The following SKI variants were observed in gnomAD, a reference collection of about 807,000 sequenced individuals.
SKI encodes ski oncogene.
In SKI, 23 loss-of-function variants were observed where a neutral mutation model predicts 59.3. That is an observed-to-expected ratio of 0.39 (90% CI 0.28 to 0.55). The LOEUF (loss-of-function observed/expected upper bound fraction) is 0.55. Ranked by LOEUF, SKI falls within the 20% of genes least tolerant of loss-of-function variation. The probability of loss-of-function intolerance (pLI) is 0.67; values close to 1 mark genes in which losing one functional copy is unlikely to be tolerated. For synonymous variants in SKI, 673 were observed against 488.6 expected (o/e 1.38, Z -4.98); for missense variants, 1,017 against 1,038.9 (o/e 0.98, Z 0.29).
At chr1:2,302,446 C>T (rs867785484) in intron 1 of SKI, among the ~76,000 whole-genome samples, 7 of 152,292 alleles carry the variant, frequency 4.6e-5, no homozygotes, top group Admixed American at 2.6e-4. Flanking sequence ...CACAGGGACA[C>T]GGTGTCCCCT....
In SKI at chr1:2,304,332, C is replaced by G. The variant is rs1406949705; in HGVS notation, c.1514C>G (p.Thr505Ser). The G allele has an allele frequency of 6.4e-7, 1 of 1,551,666 alleles. No individual in the cohort carries two copies. Residue 505 changes from threonine to serine, a missense_variant, in exon 5 of 7, where the codon ACC (threonine) becomes AGC (serine). Transcript: ENST00000378536. Reference sequence around the variant, plus strand: ...TCCTCGCTCTCTTCCCCGTCCTTTACCTCATCCAGCTCCGCCAAGGACCTG... The same window carrying G: ...TCCTCGCTCTCTTCCCCGTCCTTTAGCTCATCCAGCTCCGCCAAGGACCTG... ...SLSSLSSPSF[T>S]SSSSAKDLGS...
Position 2,268,847 on chromosome 1 carries a change from T to C in SKI, c.970-34131T>C, listed in dbSNP as rs1639553927. 6.6e-6 allele frequency among the ~76,000 whole-genome samples: 1 copy of C among 152,054 alleles called. No homozygotes were observed. The highest frequency in any genetic ancestry group is 1.5e-5 in the Non-Finnish European group (1 of 67,976). ...GCTGTGCTGCCGTATTCTGATTCCTTCTTCCCTCCCTCCCTCCCTTCTGCC... is the reference window on the plus strand; with the variant it reads ...GCTGTGCTGCCGTATTCTGATTCCTCCTTCCCTCCCTCCCTCCCTTCTGCC... On this transcript the variant is annotated intron_variant, in intron 1 of 6. Transcript: ENST00000378536. This position sits in a 1 kb window ranked among gnomAD's most constrained non-coding sequence, Gnocchi z 5.0.
Position 2,304,431 on chromosome 1 carries a change from T to G in SKI, c.1613T>G (p.Leu538Arg). 6.4e-7 allele frequency: 1 copy of G among 1,559,208 alleles called. No homozygotes were observed. Among genetic ancestry groups the G allele is most frequent in the Non-Finnish European group, 8.7e-7 (1 of 1,152,456 alleles). ...GCCCCTGCCGACGCCCCCAGTGGGC[T>G]GGAGGCGGAGCTGGAGCACCTGCGG... ...AAAPADAPSG[L>R]EAELEHLRQA... Residue 538 changes from leucine to arginine, a missense_variant, in exon 5 of 7, where the codon CTG becomes CGG. By Grantham distance (102) the Leu-to-Arg change is moderately radical. Transcript: ENST00000378536.
chr1:2,295,255 G>T (rs969378867), intron 1 of SKI, among the ~76,000 whole-genome samples: 1 of 152,220 alleles, frequency 6.6e-6, no homozygotes, highest in African/African-American at 2.4e-5. Flanking sequence ...ATCCATGCCA[G>T]CCGAGCGCCC....
At chr1:2,242,680 T>C (rs1638904838) in intron 1 of SKI, among the ~76,000 whole-genome samples, 1 of 152,140 alleles carries the variant, frequency 6.6e-6, no homozygotes, top group Admixed American at 6.5e-5. Context: ...TCACCACGCC[T>C]GGCGGATATT....
chr1:2,234,455 C>A (rs957333152), intron 1 of SKI, among the ~76,000 whole-genome samples: 1 of 152,228 alleles, frequency 6.6e-6, no homozygotes, highest in Non-Finnish European at 1.5e-5. Flanking sequence ...TGTGCAATGT[C>A]TGTCTGTCTG....
rs202132957 is a variant in SKI, at chr1:2,304,596, C to T, written c.1767+11C>T. ...CGCAGCCTCCACCAGGTGAGCGGGG[C>T]GAGTGGTGCTGGGAGGTCCAGGGCA... On this transcript the variant is annotated intron_variant, in intron 5 of 6. Transcript: ENST00000378536. The T allele has an allele frequency of 2.0e-5, 31 of 1,543,132 alleles. No individual in the cohort carries two copies. Among genetic ancestry groups the T allele is most frequent in the South Asian group, 4.8e-5 (4 of 83,076 alleles).
chr1:2,232,489 C>G (rs541673091), intron 1 of SKI: 3 of 152,278 alleles, frequency 2.0e-5, no homozygotes, highest in African/African-American at 4.8e-5. Context: ...AGCGGCTGTG[C>G]CTGAGCCTCT....
At chr1:2,242,683 C>G (rs947840730) in intron 1 of SKI, among the ~76,000 whole-genome samples, 11 of 152,036 alleles carry the variant, frequency 7.2e-5, no homozygotes, top group African/African-American at 2.7e-4. Flanking sequence ...CCACGCCTGG[C>G]GGATATTTTT....
At chr1:2,266,024 T>A (rs1192741565) in intron 1 of SKI, among the ~76,000 whole-genome samples, 1 of 152,096 alleles carries the variant, frequency 6.6e-6, no homozygotes, top group Non-Finnish European at 1.5e-5. Flanking sequence ...TGCGTTCAGT[T>A]ATTTGGAGGC....
chr1:2,306,390 C>G, intron 6 of SKI, 140 bp downstream of exon 6: 1 of 1,008,848 alleles, frequency 9.9e-7, no homozygotes, highest in Admixed American at 2.7e-5. Flanking sequence ...GCCCCCCCGA[C>G]GGGCACAGGG....
intron 1 of SKI, among the ~76,000 whole-genome samples, chr1:2,234,056 G>A (rs1638700108): frequency 6.6e-6 from 1 of 152,242 alleles, no homozygotes. Flanking sequence ...ATGCTCTGGG[G>A]TCAGGCTCCC....
intron 1 of SKI, among the ~76,000 whole-genome samples, chr1:2,298,618 C>T (rs1384475791): frequency 1.3e-5 from 2 of 152,224 alleles, no homozygotes; most frequent in Admixed American, 1.3e-4. Flanking sequence ...GCAAAGAGAC[C>T]AGTCTAAGGG....
intron 1 of SKI, among the ~76,000 whole-genome samples, chr1:2,298,268 G>T (rs1640335558): frequency 6.6e-6 from 1 of 152,202 alleles, no homozygotes; most frequent in Non-Finnish European, 1.5e-5. Flanking sequence ...ACTGAGGCTG[G>T]TGCCCTCCTG....
At chr1:2,285,487 C>T (rs141239634) in intron 1 of SKI, among the ~76,000 whole-genome samples, 4,440 of 151,664 alleles carry the variant, frequency 0.029, 217 homozygotes, top group African/African-American at 0.1. Context: ...TGCACTCCAG[C>T]CTGGGTGACA....
In SKI at chr1:2,287,837, C is replaced by T. The variant is rs1008343049; in HGVS notation, c.970-15141C>T. Among the ~76,000 whole-genome samples, 4 of 152,206 alleles carry T rather than the reference C, an allele frequency of 2.6e-5. No homozygotes were observed. In the East Asian group the frequency reaches 7.7e-4, roughly 29 times the overall value. ...TCCTTTCTGGGGTCTCCAGTGTGTC[C>T]CCGATGGACCAGCTTCCTGCATGGC... On this transcript the variant is annotated intron_variant, in intron 1 of 6. Coordinates refer to ENST00000378536, the MANE Select transcript of SKI (RefSeq NM_003036.4).
chr1:2,238,380 G>A (rs964227111), intron 1 of SKI, among the ~76,000 whole-genome samples: 12 of 152,022 alleles, frequency 7.9e-5, no homozygotes, highest in African/African-American at 1.9e-4. Flanking sequence ...CTGGAAGGTC[G>A]GCGGCCCTGC....
At chr1:2,233,751 A>C (rs1478259880) in intron 1 of SKI, among the ~76,000 whole-genome samples, 1 of 152,094 alleles carries the variant, frequency 6.6e-6, no homozygotes, top group Non-Finnish European at 1.5e-5. Flanking sequence ...TGTGGAGGCC[A>C]GGAAGGGGTT....
At chr1:2,296,749 TTG>T (rs1640296488) in intron 1 of SKI, among the ~76,000 whole-genome samples, 1 of 152,220 alleles carries the variant, frequency 6.6e-6, no homozygotes, top group Non-Finnish European at 1.5e-5. Context: ...AGCCTTGTTG[TTG>T]TGTTTTCTCT....
Sources: allele counts gnomAD v4.1 joint callset (sites outside exome capture counted in the v4.1 genomes callset), GRCh38; gene constraint gnomAD v4.1.1; non-coding constraint Gnocchi (gnomAD v3.1); transcripts MANE v1.5; gene names NCBI Gene and HGNC (gene_info 2026-07-23, HGNC 2026-07-21).